NFIB: variants seen among roughly 807,000 people sequenced by gnomAD.
NFIB encodes nuclear factor 1 B-type.
A neutral mutation model predicts 61.5 loss-of-function variants in NFIB; 11 were observed. The ratio of observed to expected loss-of-function variants is 0.18; its 90% CI spans 0.11 to 0.30. The LOEUF is 0.30. NFIB is among the 10% of genes least tolerant of loss of function. The pLI is 1.00. For synonymous variants in NFIB, 260 were observed against 216.5 expected (o/e 1.20, Z -1.76); for missense variants, 471 against 608.9 (o/e 0.77, Z 2.38).
At chr9:14,192,707 G>A (rs939896177) in intron 2 of NFIB, among the ~76,000 whole-genome samples, 38 of 152,106 alleles carry the variant, frequency 2.5e-4, no homozygotes, top group African/African-American at 8.7e-4. Context: ...CCTCTGTGAT[G>A]CCCTCCCTTC....
In NFIB at chr9:14,313,849, A is replaced by AGTT. The variant is rs926605049; in HGVS notation, c.-341_-339dup. On this transcript the variant is annotated 5_prime_UTR_variant, in exon 1 of 11. Coordinates refer to ENST00000380953, the MANE Select transcript of NFIB (RefSeq NM_001190737.2). The surrounding 1 kb of genome is among the most constrained non-coding windows in gnomAD (Gnocchi z 4.5). ...TTTGGGGATTTGTTTTCTATTTTGC[A>AGTT]GTTGTTGTTGTTGTTGGGGTGTAGG... 243 of 1,216,254 alleles carry AGTT rather than the reference A, an allele frequency of 2.0e-4. No homozygotes were observed. Among genetic ancestry groups the AGTT allele is most frequent in the Non-Finnish European group, 2.4e-4 (229 of 971,600 alleles). The allele number at this position is 1,216,254 out of a possible 1,614,324, so 75.3% of individuals were successfully genotyped here.
Position 14,243,450 on chromosome 9 carries a change from G to A in NFIB, c.562+63539C>T, listed in dbSNP as rs74538547. ...TGTCTTGACCATTTTCTTCTACCCC[G>A]ATTCCTAAGTCCCTTGAGAATCTAG... is the stretch of plus-strand genomic sequence containing the variant. On this transcript the variant is annotated intron_variant, in intron 2 of 10. Transcript: ENST00000380953. Among the ~76,000 whole-genome samples the A allele has an allele frequency of 3.7e-3, 569 of 152,162 alleles. 5 individuals are homozygous for A. The highest frequency in any genetic ancestry group is 0.013 in the African/African-American group (528 of 41,514).
At chr9:14,205,451 G>A (rs1335510318) in intron 2 of NFIB, among the ~76,000 whole-genome samples, 4 of 151,576 alleles carry the variant, frequency 2.6e-5, no homozygotes, top group African/African-American at 9.7e-5. Flanking sequence ...TATACACAAG[G>A]TATATATTGT....
rs149992236 is a variant in NFIB at position 14,092,714 on chromosome 9, A to C, written c.1468-4388T>G. On this transcript the variant is annotated intron_variant, in intron 10 of 10. Transcript: ENST00000380953. The stretch of plus-strand genomic sequence containing the variant: ...AATATGTAGCTGGTCTAAGTGGTCA[A>C]ATGATCTGAAATTCTATGTATTCAT... Among the ~76,000 whole-genome samples, 170 of 152,204 alleles carry C rather than the reference A, an allele frequency of 1.1e-3. 2 individuals are homozygous for C. Among genetic ancestry groups the C allele is most frequent in the African/African-American group, 4.0e-3 (166 of 41,568 alleles).
chr9:14,259,400 A>G lies in NFIB; in HGVS notation c.562+47589T>C, dbSNP rs56150099. Among the ~76,000 whole-genome samples, 354 of 152,346 alleles carry G rather than the reference A, an allele frequency of 2.3e-3. 1 individual carries two copies. The highest frequency in any genetic ancestry group is 8.3e-3 in the African/African-American group (347 of 41,574). ...TTCATAAATGTCAAAGACCTGCTAC[A>G]TATCAAAATGGTCTAAGTTCCTAAG... On this transcript the variant is annotated intron_variant, in intron 2 of 10. Coordinates refer to ENST00000380953, the MANE Select transcript of NFIB (RefSeq NM_001190737.2).
At chr9:14,529,266 C>T in the NFIB span, among the ~76,000 whole-genome samples, 1 of 152,120 alleles carries the variant, frequency 6.6e-6, no homozygotes, top group Non-Finnish European at 1.5e-5. Flanking sequence ...CATTGTCACA[C>T]AATAAGAGAA....
rs531169364 is a variant in NFIB at position 14,339,563 on chromosome 9, A to G, written c.109-32043T>C. Among the ~76,000 whole-genome samples the G allele has an allele frequency of 3.3e-5, 5 of 152,238 alleles. No individual in the cohort carries two copies. In the South Asian group the frequency reaches 1.0e-3, roughly 32 times the overall value. On this transcript the variant is annotated intron_variant, in intron 1 of 8. Transcript: ENST00000380934. The stretch of plus-strand genomic sequence containing the variant: ...TGCTGCTCTCACTGGTAGTAGCAAC[A>G]CCTCTAAATTTACTACCATCTGCAA...
chr9:14,367,306 A>T (rs1196482368), intron 1 of NFIB, among the ~76,000 whole-genome samples: 1 of 152,096 alleles, frequency 6.6e-6, no homozygotes, highest in African/African-American at 2.4e-5. Context: ...TACAAAGACT[A>T]AATATGGAAA....
chr9:14,237,763 AGTGTGTGTGTGTGT>A lies in NFIB; in HGVS notation c.563-57997_563-57984del, dbSNP rs71321971. On this transcript the variant is annotated intron_variant, in intron 2 of 10. Coordinates refer to ENST00000380953, the MANE Select transcript of NFIB (RefSeq NM_001190737.2). Reference sequence around the variant, plus strand: ...AGCTCCTCACCCTGCTAGGTATAACAGTGTGTGTGTGTGTGTGTGTGTGTGTGTGTGTGTGTGTG... The same window carrying A: ...AGCTCCTCACCCTGCTAGGTATAACAGTGTGTGTGTGTGTGTGTGTGTGTG... Among the ~76,000 whole-genome samples, 198 of 85,132 alleles carry A rather than the reference AGTGTGTGTGTGTGT, an allele frequency of 2.3e-3. 3 individuals carry two copies. Among genetic ancestry groups the A allele is most frequent in the African/African-American group, 6.6e-3 (140 of 21,160 alleles). 55.8% of individuals were successfully genotyped at this position (85,132 alleles called of 152,430 possible).
upstream of NFIB, among the ~76,000 whole-genome samples, chr9:14,315,485 C>T (rs564884673): frequency 7.5e-5 from 11 of 147,172 alleles, no homozygotes; most frequent in African/African-American, 2.7e-4. Flanking sequence ...CGGCGGAAAG[C>T]GTCTCCCTAC....
the NFIB span, among the ~76,000 whole-genome samples, chr9:14,421,426 CATAAG>C: frequency 6.6e-6 from 1 of 152,094 alleles, no homozygotes; most frequent in Non-Finnish European, 1.5e-5. Context: ...TATGTTCTTT[CATAAG>C]ATAAGATGTA....
intron 3 of NFIB, among the ~76,000 whole-genome samples, chr9:14,165,478 C>A (rs1267030741): frequency 6.6e-6 from 1 of 152,118 alleles, no homozygotes; most frequent in African/African-American, 2.4e-5. Context: ...TGAATGAGTG[C>A]AGCTCACTAT....
chr9:14,180,189 T>C (rs2046614372), intron 2 of NFIB, among the ~76,000 whole-genome samples: 1 of 152,202 alleles, frequency 6.6e-6, no homozygotes, highest in African/African-American at 2.4e-5. Context: ...TGAAAGTATG[T>C]TTTTATTCAA....
chr9:14,252,869 T>A (rs2055799950), intron 2 of NFIB, among the ~76,000 whole-genome samples: 1 of 142,056 alleles, frequency 7.0e-6, no homozygotes, highest in Non-Finnish European at 1.5e-5. Context: ...TAAACTCAGG[T>A]AAACTTCTAC....
chr9:14,132,408 G>A (rs551317915), intron 6 of NFIB, among the ~76,000 whole-genome samples: 12 of 152,164 alleles, frequency 7.9e-5, no homozygotes, highest in South Asian at 6.2e-4. Context: ...AGTATTTAAC[G>A]TTAAGGTTTG....
chr9:14,182,297 A>G (rs2046868785), intron 2 of NFIB, among the ~76,000 whole-genome samples: 1 of 152,202 alleles, frequency 6.6e-6, no homozygotes, highest in African/African-American at 2.4e-5. Context: ...CTGGCACACA[A>G]TGACAGACTC....
At chr9:14,384,317 CA>C (rs2061524929) in intron 1 of NFIB, among the ~76,000 whole-genome samples, 1 of 152,146 alleles carries the variant, frequency 6.6e-6, no homozygotes, top group African/African-American at 2.4e-5. Flanking sequence ...GAGGCCTTGA[CA>C]AATATTCAGG....
chr9:14,456,409 A>G, the NFIB span, among the ~76,000 whole-genome samples: 1 of 152,204 alleles, frequency 6.6e-6, no homozygotes, highest in Non-Finnish European at 1.5e-5. Flanking sequence ...AAGACAAAGG[A>G]CAAACCTGCA....
At chr9:14,272,186 AC>A (rs548571021) in intron 2 of NFIB, among the ~76,000 whole-genome samples, 250 of 152,052 alleles carry the variant, frequency 1.6e-3, no homozygotes, top group Middle Eastern at 3.4e-3. Context: ...ATAGCTACTA[AC>A]CTCTTTTTTC....
Sources: allele counts gnomAD v4.1 joint callset (sites outside exome capture counted in the v4.1 genomes callset), GRCh38; gene constraint gnomAD v4.1.1; non-coding constraint Gnocchi (gnomAD v3.1); transcripts MANE v1.5; gene names NCBI Gene and HGNC (gene_info 2026-07-23, HGNC 2026-07-21).